Variants in ADGRG4 observed in about 807,000 individuals in gnomAD.
The protein encoded by ADGRG4 is G protein-coupled receptor 112.
ADGRG4 carries 122 observed loss-of-function variants against 126.2 expected under a neutral mutation model. The ratio of observed to expected loss-of-function variants is 0.97; its 90% CI spans 0.83 to 1.12. The LOEUF (loss-of-function observed/expected upper bound fraction) is 1.12. Among genes scored for constraint, ADGRG4 ranks in the 50% most tolerant of loss-of-function variants. The probability of loss-of-function intolerance (pLI) is 0.00; values close to 1 mark genes in which losing one functional copy is unlikely to be tolerated. For synonymous variants in ADGRG4, 943 were observed against 838.7 expected, an observed-to-expected ratio of 1.12 and a Z score of -2.15; for missense variants, 2,481 against 2,251.8, an observed-to-expected ratio of 1.10 and a Z score of -2.06.
At chrX:136,340,103 A>T (rs1045176975) in intron 5 of ADGRG4, among the ~76,000 whole-genome samples, 2 of 111,983 alleles carry the variant, frequency 1.8e-5, no homozygotes, top group African/African-American at 6.5e-5. Flanking sequence ...TGATAGGTGC[A>T]CAGAAAGTCT....
chrX:136,355,222 TACACACACAC>T (rs10553631), intron 8 of ADGRG4, among the ~76,000 whole-genome samples: 5 of 100,190 alleles, frequency 5.0e-5, no homozygotes, highest in African/African-American at 1.1e-4. Flanking sequence ...AACATATGTG[TACACACACAC>T]ACACACACAC....
intron 5 of ADGRG4, 32 bp from the exon 6 acceptor site, chrX:136,344,360 C>T: frequency 5.9e-6 from 6 of 1,022,804 alleles, no homozygotes; most frequent in Non-Finnish European, 6.6e-6. Context: ...AAAGCTGAAT[C>T]CAAAATAACA....
At chrX:136,366,508 GT>G (rs2075159323) in intron 13 of ADGRG4, among the ~76,000 whole-genome samples, 1 of 112,366 alleles carries the variant, frequency 8.9e-6, no homozygotes, top group Admixed American at 9.4e-5. Context: ...CTGTGTGCAG[GT>G]TTTTGTATAG....
intron 11 of ADGRG4, among the ~76,000 whole-genome samples, chrX:136,360,992 T>C (rs1331306695): frequency 9.0e-6 from 1 of 111,127 alleles, no homozygotes; most frequent in Non-Finnish European, 1.9e-5. Context: ...AATTTTTCAA[T>C]TCTTATGTAT....
chrX:136,353,414 C>T lies in ADGRG4; in HGVS notation c.6887+13C>T. The T allele has an allele frequency of 8.8e-7, 1 of 1,139,857 alleles. No individual in the cohort carries two copies. The highest frequency in any genetic ancestry group is 1.8e-5 in the South Asian group (1 of 55,003). The allele number at this position is 1,139,857 out of a possible 1,213,427, so 93.9% of individuals were successfully genotyped here. On this transcript the variant is annotated intron_variant, in intron 8 of 25. Transcript: ENST00000394143. ...AAATTAAAAGCAGGTATGTGAATGACATTTACTGTGGGTCAAAGGGCAATT... is the reference window on the plus strand; with the variant it reads ...AAATTAAAAGCAGGTATGTGAATGATATTTACTGTGGGTCAAAGGGCAATT...
chrX:136,390,705 C>T (rs2075315101), intron 16 of ADGRG4, among the ~76,000 whole-genome samples: 1 of 111,818 alleles, frequency 8.9e-6, no homozygotes, highest in Non-Finnish European at 1.9e-5. Flanking sequence ...GAGGAAGTTT[C>T]TATTCCTTTC....
At position 136,349,545 on chromosome X, in the gene ADGRG4, C is replaced by T; in HGVS notation, c.5839C>T (p.Pro1947Ser). 1 of 1,209,164 alleles carries T rather than the reference C, an allele frequency of 8.3e-7. No individual in the cohort carries two copies. Among genetic ancestry groups the T allele is most frequent in the Non-Finnish European group, 1.1e-6 (1 of 893,523 alleles). ...ATCAATTCCTATGTCAGGAATTCTT[C>T]CTAACCATGGGCTTTCTGAGAACCC... ...MSSIPMSGIL[P>S]NHGLSENPSL... Residue 1947 changes from proline to serine, a missense_variant, in exon 6 of 26, where the codon CCT becomes TCT. Pro to Ser is a moderately conservative substitution (Grantham distance 74, BLOSUM62 -1). Transcript: ENST00000394143.
chrX:136,398,152 C>T (rs1484979115), intron 20 of ADGRG4, 150 bp downstream of exon 20: 2 of 424,636 alleles, frequency 4.7e-6, no homozygotes, highest in African/African-American at 2.5e-5. Flanking sequence ...AACAAAACAT[C>T]AAGGCTTCTC....
chrX:136,389,955 G>A lies in ADGRG4; in HGVS notation c.7911+2081G>A, dbSNP rs142127690. 9.5e-3 allele frequency among the ~76,000 whole-genome samples: 1,062 copies of A among 112,251 alleles called. 16 individuals carry two copies. Among genetic ancestry groups the A allele is most frequent in the African/African-American group, 0.032 (987 of 30,949 alleles). Reference sequence around the variant, plus strand: ...TTAATTCTATTTTTCTTGAATCCCCGAGTATCACAGCCTTGCTTTCGCACT... The same window carrying A: ...TTAATTCTATTTTTCTTGAATCCCCAAGTATCACAGCCTTGCTTTCGCACT... On this transcript the variant is annotated intron_variant, in intron 16 of 25. Transcript: ENST00000394143.
intron 20 of ADGRG4, among the ~76,000 whole-genome samples, chrX:136,398,480 T>C (rs1315998548): frequency 8.9e-6 from 1 of 112,240 alleles, no homozygotes; most frequent in Admixed American, 9.5e-5. Flanking sequence ...AGAATATCCA[T>C]GCCTAAGCCT....
chrX:136,334,611 C>A (rs376068723), intron 5 of ADGRG4, among the ~76,000 whole-genome samples: 2 of 112,121 alleles, frequency 1.8e-5, no homozygotes, highest in South Asian at 7.3e-4. Flanking sequence ...TTAAGGTTTT[C>A]TTTGATTTGT....
intron 5 of ADGRG4, among the ~76,000 whole-genome samples, chrX:136,324,370 C>T (rs1479556366): frequency 9.0e-6 from 1 of 111,303 alleles, no homozygotes; most frequent in East Asian, 2.8e-4. Flanking sequence ...TATTAGTTGG[C>T]ATTCTATTGT....
chrX:136,398,086 A>G, intron 20 of ADGRG4, 84 bp downstream of exon 20: 1 of 892,582 alleles, frequency 1.1e-6, no homozygotes, highest in Non-Finnish European at 1.6e-6. Flanking sequence ...AATTTCATGA[A>G]CACATCACAA....
At chrX:136,330,908 T>C (rs923316969) in intron 5 of ADGRG4, among the ~76,000 whole-genome samples, 3 of 111,267 alleles carry the variant, frequency 2.7e-5, no homozygotes, top group African/African-American at 9.8e-5. Flanking sequence ...TGCTGTGCAA[T>C]CTAATAGTAG....
At chrX:136,360,176 T>A (rs1012292859) in intron 11 of ADGRG4, among the ~76,000 whole-genome samples, 1 of 111,115 alleles carries the variant, frequency 9.0e-6, no homozygotes, top group Non-Finnish European at 1.9e-5. Context: ...AATGAATGTG[T>A]CCTAAGAATG....
intron 3 of ADGRG4, among the ~76,000 whole-genome samples, chrX:136,308,091 T>A (rs182385075): frequency 8.9e-6 from 1 of 112,852 alleles, no homozygotes; most frequent in Admixed American, 9.3e-5. Flanking sequence ...GTTGAATATA[T>A]CACATTTTGG....
In ADGRG4 at chrX:136,403,341, G is replaced by C. The variant is rs2148498802; in HGVS notation, c.8654+19G>C. Reference sequence around the variant, plus strand: ...CTCCGTTGTAAGTACCAGCATCTCTGTTTCTCTGGTGGTGGGGCTCTGGCC... The same window carrying C: ...CTCCGTTGTAAGTACCAGCATCTCTCTTTCTCTGGTGGTGGGGCTCTGGCC... On this transcript the variant is annotated intron_variant, in intron 22 of 25. Transcript: ENST00000394143. 1 of 1,146,958 alleles carries C rather than the reference G, an allele frequency of 8.7e-7. No homozygotes were observed. The highest frequency in any genetic ancestry group is 1.2e-6 in the Non-Finnish European group (1 of 836,996). The allele number at this position is 1,146,958 out of a possible 1,213,427, so 94.5% of individuals were successfully genotyped here.
Position 136,301,565 on chromosome X carries a change from T to C in ADGRG4, c.-254+565T>C, listed in dbSNP as rs1203064123. ...CTGTTTACTCTGATGGTAGTTTCTT[T>C]TGCTGTGCAGAAGCCCTTTAATTTA... On this transcript the variant is annotated intron_variant, in intron 1 of 25. Coordinates refer to ENST00000394143, the MANE Select transcript of ADGRG4 (RefSeq NM_153834.4). 5.3e-5 allele frequency among the ~76,000 whole-genome samples: 6 copies of C among 112,290 alleles called. No individual in the cohort carries two copies. The East Asian group carries it at 1.4e-3, about 26-fold the overall frequency.
At chrX:136,351,047 G>A (rs1404460685) in intron 6 of ADGRG4, among the ~76,000 whole-genome samples, 1 of 111,457 alleles carries the variant, frequency 9.0e-6, no homozygotes, top group Non-Finnish European at 1.9e-5. Flanking sequence ...AAAAAGGAGA[G>A]AAAAACCCAA....
Sources: allele counts gnomAD v4.1 joint callset (sites outside exome capture counted in the v4.1 genomes callset), GRCh38; gene constraint gnomAD v4.1.1; transcripts MANE v1.5; gene names NCBI Gene and HGNC (gene_info 2026-07-23, HGNC 2026-07-21).